SINHCAF: variants seen among roughly 807,000 people sequenced by gnomAD.
The protein encoded by SINHCAF is SIN3-HDAC complex-associated factor.
In SINHCAF, 3 loss-of-function variants were observed where a neutral mutation model predicts 25.8. The observed-to-expected ratio is 0.12, with a 90% CI of 0.05 to 0.30. The LOEUF is 0.30. Among genes scored for constraint, SINHCAF ranks in the 10% least tolerant of loss-of-function variants. SINHCAF has a pLI of 1.00. For missense variants in SINHCAF, 121 were observed against 262.3 expected (o/e 0.46, Z 3.72); for synonymous variants, 70 against 85.5 (o/e 0.82, Z 1.00).
In SINHCAF at chr12:31,324,630, G is replaced by T. The variant is rs1211733261; in HGVS notation, c.-21+1394C>A. ...CAGGCGGCGGCCCCGAGCGCCGGGG[G>T]CCCGCACGGGCACATGCAGCCCTTT... On this transcript the variant is annotated intron_variant, in intron 1 of 5. Transcript: ENST00000337682. This position sits in a 1 kb window ranked among gnomAD's most constrained non-coding sequence, Gnocchi z 5.5. The T allele has an allele frequency of 7.7e-6, 2 of 258,236 alleles. No individual in the cohort carries two copies. Among genetic ancestry groups the T allele is most frequent in the East Asian group, 2.3e-4 (2 of 8,554 alleles). 16.0% of individuals were successfully genotyped at this position (258,236 alleles called of 1,614,324 possible).
chr12:31,282,905 T>A, intron 5 of SINHCAF, 34 bp from the exon 6 acceptor site: 1 of 1,505,144 alleles, frequency 6.6e-7, no homozygotes, highest in Non-Finnish European at 9.0e-7. Flanking sequence ...GATACATTAA[T>A]AAGGAAGAAA....
At chr12:31,297,972 A>T (rs893997978) in intron 2 of SINHCAF, 105 bp downstream of exon 2, 13 of 1,159,628 alleles carry the variant, frequency 1.1e-5, no homozygotes, top group African/African-American at 1.5e-5. Context: ...AGAATAAGTG[A>T]TTTTTATTAT....
intron 5 of SINHCAF, among the ~76,000 whole-genome samples, chr12:31,286,697 T>C (rs992234023): frequency 2.0e-5 from 3 of 150,826 alleles, no homozygotes; most frequent in Admixed American, 6.6e-5. Context: ...GTCAATGTGG[T>C]AAATTATATT....
At chr12:31,302,965 T>C (rs1467664136) in intron 1 of SINHCAF, 2 of 985,344 alleles carry the variant, frequency 2.0e-6, no homozygotes, top group African/African-American at 3.5e-5. Context: ...TGCAGCCATC[T>C]TGGCTCACTT....
At chr12:31,302,837 G>T in intron 1 of SINHCAF, 2 of 655,892 alleles carry the variant, frequency 3.0e-6, no homozygotes, top group Non-Finnish European at 3.8e-6. Flanking sequence ...TTCTATATCT[G>T]ATACACAAGT....
rs2137149445 is a variant in SINHCAF at position 31,324,553 on chromosome 12, TC to T, written c.-21+1470del. 5.8e-6 allele frequency: 1 copy of T among 172,486 alleles called. No individual in the cohort carries two copies. The highest frequency in any genetic ancestry group is 1.2e-4 in the South Asian group (1 of 8,460). 10.7% of individuals were successfully genotyped at this position (172,486 alleles called of 1,614,324 possible). A position where few individuals can be genotyped will look rare whatever the true frequency, so the allele number is the denominator to read the frequency against. On this transcript the variant is annotated intron_variant, in intron 1 of 5. Coordinates refer to ENST00000337682, the MANE Select transcript of SINHCAF (RefSeq NM_001135812.2). The surrounding 1 kb of genome is among the most constrained non-coding windows in gnomAD (Gnocchi z 5.5). ...GAGGGGGCTGAGGGACAAAAGCCCC[TC>T]CCGAAACTCGCCCGAACTTCGAGGG... is the stretch of plus-strand genomic sequence containing the variant.
In SINHCAF at chr12:31,316,613, TATA is replaced by T. The variant is rs1341528688; in HGVS notation, c.-21+9408_-21+9410del. Among the ~76,000 whole-genome samples, 13 of 152,260 alleles carry T rather than the reference TATA, an allele frequency of 8.5e-5. No homozygotes were observed. In the South Asian group the frequency reaches 1.2e-3, roughly 15 times the overall value. ...TAATTAAACACATAAGTTTACTGAA[TATA>T]ATAATATACATAGGAAAGAAAAAGA... On this transcript the variant is annotated intron_variant, in intron 1 of 5. Transcript: ENST00000337682.
At chr12:31,303,876 C>T (rs1168038417) in intron 1 of SINHCAF, 1 of 152,152 alleles carries the variant, frequency 6.6e-6, no homozygotes, top group Non-Finnish European at 1.5e-5. Context: ...TTGAGAAGAT[C>T]AGTAGTTTGT....
Position 31,280,676 on chromosome 12 carries a change from G to A in SINHCAF, c.*2036C>T, listed in dbSNP as rs1937754718. 6.6e-6 allele frequency: 1 copy of A among 152,470 alleles called. No homozygotes were observed. The highest frequency in any genetic ancestry group is 2.4e-5 in the African/African-American group (1 of 41,400). The allele number at this position is 152,470 out of a possible 1,614,324, so 9.4% of individuals were successfully genotyped here. ...AGTATAAAAAGTACAAAACAGATCT[G>A]TAGATTTCTAATATATTAATACAAA... On this transcript the variant is annotated 3_prime_UTR_variant, in exon 6 of 6. Transcript: ENST00000337682.
intron 2 of SINHCAF, among the ~76,000 whole-genome samples, chr12:31,297,607 G>C (rs1269852536): frequency 1.3e-5 from 2 of 151,256 alleles, no homozygotes; most frequent in African/African-American, 2.4e-5. Flanking sequence ...GGAGTAACTG[G>C]GACTACAAGT....
chr12:31,310,058 G>C (rs1310827595), intron 1 of SINHCAF, among the ~76,000 whole-genome samples: 1 of 152,120 alleles, frequency 6.6e-6, no homozygotes, highest in Non-Finnish European at 1.5e-5. Context: ...TAAGGAAAAA[G>C]AGATGAGCAT....
chr12:31,295,395 C>T (rs1366566101), intron 2 of SINHCAF, 62 bp from the exon 3 acceptor site: 4 of 1,134,936 alleles, frequency 3.5e-6, no homozygotes, highest in Non-Finnish European at 5.3e-6. Flanking sequence ...CATGCAAGCA[C>T]ATTTCTTTTG....
intron 5 of SINHCAF, among the ~76,000 whole-genome samples, chr12:31,283,123 C>G (rs1280417287): frequency 6.6e-6 from 1 of 151,986 alleles, no homozygotes; most frequent in Non-Finnish European, 1.5e-5. Flanking sequence ...AGACAGCAGT[C>G]AGTTTCAAAG....
chr12:31,318,009 A>G (rs1349183570), intron 1 of SINHCAF, among the ~76,000 whole-genome samples: 5 of 152,250 alleles, frequency 3.3e-5, no homozygotes, highest in Admixed American at 1.3e-4. Flanking sequence ...TCGCGATCAC[A>G]AACTGTGGGG....
chr12:31,313,367 G>A (rs957829341), intron 1 of SINHCAF, among the ~76,000 whole-genome samples: 3 of 152,140 alleles, frequency 2.0e-5, no homozygotes, highest in Non-Finnish European at 4.4e-5. Context: ...TGGTACTGCT[G>A]TCATAAATTC....
intron 2 of SINHCAF, among the ~76,000 whole-genome samples, chr12:31,297,854 T>A (rs57445509): frequency 0.018 from 2,664 of 152,160 alleles, 51 homozygotes; most frequent in African/African-American, 0.043. Context: ...AGCTACAACT[T>A]TAAGGGGCTT....
At chr12:31,313,655 T>C (rs1939373031) in intron 1 of SINHCAF, among the ~76,000 whole-genome samples, 1 of 152,178 alleles carries the variant, frequency 6.6e-6, no homozygotes, top group South Asian at 2.1e-4. Flanking sequence ...GTTTGTTTGT[T>C]TGTTTTTTCT....
At chr12:31,320,339 A>G (rs1939651717) in intron 1 of SINHCAF, among the ~76,000 whole-genome samples, 1 of 152,198 alleles carries the variant, frequency 6.6e-6, no homozygotes, top group Non-Finnish European at 1.5e-5. Flanking sequence ...GAGACGGCTT[A>G]CCCTCTATCC....
At chr12:31,317,948 A>G (rs1165380109) in intron 1 of SINHCAF, among the ~76,000 whole-genome samples, 1 of 152,252 alleles carries the variant, frequency 6.6e-6, no homozygotes, top group Non-Finnish European at 1.5e-5. Flanking sequence ...TTTAGAGCCA[A>G]ACTAGAAATC....
Sources: allele counts gnomAD v4.1 joint callset (sites outside exome capture counted in the v4.1 genomes callset), GRCh38; gene constraint gnomAD v4.1.1; non-coding constraint Gnocchi (gnomAD v3.1); transcripts MANE v1.5; gene names NCBI Gene and HGNC (gene_info 2026-07-23, HGNC 2026-07-21).